Variants in GADL1 observed in about 807,000 individuals in gnomAD.
GADL1 encodes the protein GAD like acidic amino acid decarboxylase 1.
GADL1 carries 71 observed loss-of-function variants against 69.5 expected under a neutral mutation model. That is an observed-to-expected ratio of 1.02 (90% CI 0.84 to 1.25). GADL1 has a LOEUF of 1.25. GADL1 is among the 50% of genes most tolerant of loss of function. GADL1 has a pLI of 0.00. For missense variants in GADL1, 737 were observed against 631.8 expected, an observed-to-expected ratio of 1.17 and a Z score of -1.79; for synonymous variants, 254 against 214.4, an observed-to-expected ratio of 1.18 and a Z score of -1.62.
chr3:30,733,589 CTT>C (rs1695498063), intron 14 of GADL1, among the ~76,000 whole-genome samples: 1 of 93,534 alleles, frequency 1.1e-5, no homozygotes, highest in African/African-American at 7.0e-5. Context: ...TCCTTTTCTC[CTT>C]CCTTCCTTCC....
intron 13 of GADL1, 122 bp downstream of exon 13, chr3:30,786,233 G>T: frequency 1.4e-6 from 1 of 692,394 alleles, no homozygotes; most frequent in Non-Finnish European, 2.6e-6. Flanking sequence ...TATGAATTAA[G>T]CTAATGACTT....
Position 30,805,734 on chromosome 3 carries a change from C to CTTTTTTTTTTTTTTTTTTTTTTTTTTT in GADL1, c.1051-4647_1051-4646insAAAAAAAAAAAAAAAAAAAAAAAAAAA, listed in dbSNP as rs34788058. ...ATTCTGTGCACCAGCAGTCCCCAGC[C>CTTTTTTTTTTTTTTTTTTTTTTTTTTT]TTTTTTTTTTTTTTTTTTTTTTTTG... On this transcript the variant is annotated intron_variant, in intron 11 of 14. Transcript: ENST00000282538. 4.7e-4 allele frequency among the ~76,000 whole-genome samples: 31 copies of CTTTTTTTTTTTTTTTTTTTTTTTTTTT among 66,092 alleles called. 7 individuals carry two copies. Among genetic ancestry groups the CTTTTTTTTTTTTTTTTTTTTTTTTTTT allele is most frequent in the South Asian group, 2.4e-3 (3 of 1,252 alleles). The allele number at this position is 66,092 out of a possible 152,430, so 43.4% of individuals were successfully genotyped here. A position where few individuals can be genotyped will look rare whatever the true frequency, so the allele number is the denominator to read the frequency against.
At chr3:30,787,782 T>C (rs934537124) in intron 12 of GADL1, among the ~76,000 whole-genome samples, 1 of 152,164 alleles carries the variant, frequency 6.6e-6, no homozygotes, top group Non-Finnish European at 1.5e-5. Flanking sequence ...TTTGAAATGG[T>C]TTTTTAAAAT....
intron 12 of GADL1, 61 bp downstream of exon 12, chr3:30,800,821 ACACACAC>A: frequency 1.1e-6 from 1 of 947,164 alleles, no homozygotes; most frequent in Non-Finnish European, 1.5e-6. Flanking sequence ...ACACACACAC[ACACACAC>A]ACACACACAC....
intron 11 of GADL1, among the ~76,000 whole-genome samples, chr3:30,823,437 A>T (rs905380567): frequency 6.6e-6 from 1 of 152,012 alleles, no homozygotes; most frequent in African/African-American, 2.4e-5. Context: ...TCCACCATGA[A>T]GTGGAGGTAC....
intron 1 of GADL1, among the ~76,000 whole-genome samples, chr3:30,886,689 G>C (rs185601623): frequency 9.0e-4 from 137 of 152,268 alleles, no homozygotes; most frequent in Admixed American, 1.6e-3. Flanking sequence ...CCACAACTGC[G>C]TTATACAGAG....
At chr3:30,760,880 G>GT (rs907216215) in intron 14 of GADL1, among the ~76,000 whole-genome samples, 19 of 152,128 alleles carry the variant, frequency 1.2e-4, no homozygotes, top group African/African-American at 4.1e-4. Context: ...TCATTTGGTA[G>GT]AAAGGAAAGG....
At chr3:30,817,450 A>C (rs1320410413) in intron 11 of GADL1, among the ~76,000 whole-genome samples, 1 of 152,170 alleles carries the variant, frequency 6.6e-6, no homozygotes, top group Non-Finnish European at 1.5e-5. Context: ...ACTTCCCTAG[A>C]GATTTTCCTT....
intron 1 of GADL1, among the ~76,000 whole-genome samples, chr3:30,873,769 G>A (rs1575244033): frequency 6.6e-6 from 1 of 151,900 alleles, no homozygotes; most frequent in East Asian, 1.9e-4. Context: ...ACTCTGATAT[G>A]GGGATTATCT....
rs2125522859 is a variant in GADL1 at position 30,832,204 on chromosome 3, A to AT, written c.1050+1648dup. The stretch of plus-strand genomic sequence containing the variant: ...CATTTAAATTGAAAACGGTCTTTTC[A>AT]TTAAAAAAAAAATTGGCAACTTTTT... On this transcript the variant is annotated intron_variant, in intron 11 of 14. Transcript: ENST00000282538. Among the ~76,000 whole-genome samples the AT allele has an allele frequency of 2.6e-5, 4 of 152,004 alleles. No homozygotes were observed. In the South Asian group the frequency reaches 8.3e-4, roughly 32 times the overall value.
chr3:30,737,731 C>G (rs533721136), intron 14 of GADL1, among the ~76,000 whole-genome samples: 2 of 152,134 alleles, frequency 1.3e-5, no homozygotes, highest in African/African-American at 2.4e-5. Context: ...AAAAGCCATA[C>G]TTTGATTGGA....
At chr3:30,894,528 C>T (rs1698830859) in intron 1 of GADL1, 50 bp downstream of exon 1, 16 of 1,482,470 alleles carry the variant, frequency 1.1e-5, no homozygotes, top group African/African-American at 1.4e-5. Flanking sequence ...AGATTAAAAC[C>T]CAGACAGGGG....
intron 14 of GADL1, among the ~76,000 whole-genome samples, chr3:30,752,118 T>G (rs1050205616): frequency 6.6e-6 from 1 of 151,960 alleles, no homozygotes; most frequent in African/African-American, 2.4e-5. Flanking sequence ...ACACACACAG[T>G]GGTACCTGAC....
intron 1 of GADL1, among the ~76,000 whole-genome samples, chr3:30,869,728 G>A (rs1052797940): frequency 3.3e-5 from 5 of 151,696 alleles, no homozygotes; most frequent in African/African-American, 1.2e-4. Context: ...ACAGTGAGCA[G>A]ATACTTCTCT....
rs1167706687 is a variant in GADL1 at position 30,833,723 on chromosome 3, AAC to A, written c.1050+128_1050+129del. On this transcript the variant is annotated intron_variant, in intron 11 of 14. Coordinates refer to ENST00000282538, the MANE Select transcript of GADL1 (RefSeq NM_207359.3). ...ATTTGTCTTTCATGTAGAGACCATC[AAC>A]ACATTTCCCAAACACCTTCAATTTA... The A allele has an allele frequency of 1.2e-5, 8 of 653,066 alleles. No individual in the cohort carries two copies. The African/African-American group carries it at 1.3e-4, about 10-fold the overall frequency. 40.5% of individuals were successfully genotyped at this position (653,066 alleles called of 1,614,324 possible).
intron 12 of GADL1, among the ~76,000 whole-genome samples, chr3:30,795,465 A>G (rs990367359): frequency 6.6e-6 from 1 of 152,190 alleles, no homozygotes; most frequent in African/African-American, 2.4e-5. Flanking sequence ...GCAATTTGCT[A>G]TGACAGAAAT....
intron 14 of GADL1, among the ~76,000 whole-genome samples, chr3:30,749,836 A>T (rs527591254): frequency 6.6e-6 from 1 of 152,322 alleles, no homozygotes; most frequent in South Asian, 2.1e-4. Flanking sequence ...GACCGGCAAT[A>T]AAACATGAAA....
At chr3:30,787,639 C>A (rs1416247809) in intron 12 of GADL1, among the ~76,000 whole-genome samples, 1 of 152,090 alleles carries the variant, frequency 6.6e-6, no homozygotes, top group Non-Finnish European at 1.5e-5. Flanking sequence ...AAACTAGATT[C>A]CAGTAATAGT....
At chr3:30,758,269 T>C (rs188180059) in intron 14 of GADL1, among the ~76,000 whole-genome samples, 1 of 152,344 alleles carries the variant, frequency 6.6e-6, no homozygotes, top group Admixed American at 6.5e-5. Flanking sequence ...AGTGAACACC[T>C]TTGACAGCTT....
Sources: gnomAD v4.1 joint callset for allele counts (sites outside exome capture counted in the v4.1 genomes callset) on GRCh38, gnomAD v4.1.1 for gene constraint, MANE v1.5 for transcripts, NCBI Gene and HGNC (gene_info 2026-07-23, HGNC 2026-07-21) for gene names.